Variants in CCDC85A observed in about 807,000 individuals in gnomAD.
CCDC85A encodes coiled-coil domain-containing protein 85A.
Under a neutral mutation model 50.2 loss-of-function variants are expected in CCDC85A, and 38 were observed. The observed-to-expected ratio is 0.76, with a 90% CI of 0.58 to 0.99. The LOEUF is 0.99. Among genes scored for constraint, CCDC85A ranks in the 50% least tolerant of loss-of-function variants. The pLI is 0.00. For missense variants in CCDC85A, 820 were observed against 742.0 expected, an observed-to-expected ratio of 1.11 and a Z score of -1.22; for synonymous variants, 366 against 301.4, an observed-to-expected ratio of 1.21 and a Z score of -2.22.
In CCDC85A at chr2:56,205,232, T is replaced by A. The variant is rs17047581; in HGVS notation, c.1240+11792T>A. On this transcript the variant is annotated intron_variant, in intron 2 of 5. Coordinates refer to ENST00000407595, the MANE Select transcript of CCDC85A (RefSeq NM_001080433.2). ...AACTAAAGTTTGGAAGAGAGTAATC[T>A]AATGATGAAACAGTGGCACCAGGCT... Among the ~76,000 whole-genome samples, 1,144 of 152,294 alleles carry A rather than the reference T, an allele frequency of 7.5e-3. 10 individuals carry two copies. Among genetic ancestry groups the A allele is most frequent in the African/African-American group, 0.026 (1,084 of 41,568 alleles).
At chr2:56,213,689 G>T (rs1004540050) in intron 2 of CCDC85A, among the ~76,000 whole-genome samples, 3 of 151,812 alleles carry the variant, frequency 2.0e-5, no homozygotes, top group Non-Finnish European at 4.4e-5. Context: ...GGAACCCCTC[G>T]AACAGAGACT....
chr2:56,330,070 A>G (rs530617763), intron 2 of CCDC85A, among the ~76,000 whole-genome samples: 13 of 147,480 alleles, frequency 8.8e-5, no homozygotes, highest in Non-Finnish European at 1.2e-4. Context: ...TGTTACATTT[A>G]TTAAAATGGC....
intron 2 of CCDC85A, among the ~76,000 whole-genome samples, chr2:56,262,075 A>G (rs1361237449): frequency 6.6e-6 from 1 of 152,090 alleles, no homozygotes; most frequent in African/African-American, 2.4e-5. Flanking sequence ...TTCAGTTAAG[A>G]AAATACTCTA....
At chr2:56,370,863 G>A (rs1294735931) in intron 3 of CCDC85A, among the ~76,000 whole-genome samples, 1 of 152,074 alleles carries the variant, frequency 6.6e-6, no homozygotes, top group Admixed American at 6.6e-5. Context: ...AAAAGGATAA[G>A]ATCTGAGAGG....
intron 3 of CCDC85A, among the ~76,000 whole-genome samples, chr2:56,356,136 C>T (rs540016850): frequency 6.6e-6 from 1 of 152,290 alleles, no homozygotes; most frequent in Non-Finnish European, 1.5e-5. Flanking sequence ...AGAAATAAAT[C>T]TAACCAGTAA....
intron 2 of CCDC85A, among the ~76,000 whole-genome samples, chr2:56,259,230 C>T (rs889727740): frequency 2.6e-5 from 4 of 152,070 alleles, no homozygotes; most frequent in African/African-American, 9.7e-5. Context: ...TTGGGTAAGG[C>T]TTGTTTTTTT....
At chr2:56,196,955 A>G (rs1385601871) in intron 2 of CCDC85A, among the ~76,000 whole-genome samples, 1 of 152,152 alleles carries the variant, frequency 6.6e-6, no homozygotes, top group Non-Finnish European at 1.5e-5. Context: ...TGTTAGAGCA[A>G]GTTTCAGTGA....
chr2:56,311,202 C>A (rs896464514), intron 2 of CCDC85A, among the ~76,000 whole-genome samples: 1 of 152,124 alleles, frequency 6.6e-6, no homozygotes, highest in African/African-American at 2.4e-5. Context: ...AATACACACA[C>A]TTTCATGTCT....
intron 2 of CCDC85A, among the ~76,000 whole-genome samples, chr2:56,301,254 G>A (rs1672188893): frequency 6.6e-6 from 1 of 152,168 alleles, no homozygotes; most frequent in Non-Finnish European, 1.5e-5. Context: ...GTTTGTCTGT[G>A]TGTAAATGTG....
chr2:56,207,305 C>G (rs575492677), intron 2 of CCDC85A, among the ~76,000 whole-genome samples: 1 of 152,254 alleles, frequency 6.6e-6, no homozygotes, highest in African/African-American at 2.4e-5. Flanking sequence ...AGTAGGCAGG[C>G]TCTGCCACCC....
At chr2:56,240,630 A>G (rs1558601043) in intron 2 of CCDC85A, among the ~76,000 whole-genome samples, 1 of 151,902 alleles carries the variant, frequency 6.6e-6, no homozygotes, top group East Asian at 1.9e-4. Flanking sequence ...ATACAAATGG[A>G]CTCGTGCAAT....
chr2:56,234,476 T>C (rs1486651192), intron 2 of CCDC85A, among the ~76,000 whole-genome samples: 2 of 152,212 alleles, frequency 1.3e-5, no homozygotes, highest in African/African-American at 2.4e-5. Flanking sequence ...CACTTCAAAA[T>C]GTCTTGGCTG....
chr2:56,184,802 G>C lies in CCDC85A; in HGVS notation c.178G>C (p.Glu60Gln). The C allele has an allele frequency of 1.3e-6, 2 of 1,546,244 alleles. No individual in the cohort carries two copies. The highest frequency in any genetic ancestry group is 1.7e-6 in the Non-Finnish European group (2 of 1,146,050). ...EELIRSLRRA[E>Q]AEKVSAMLDH... The stretch of plus-strand genomic sequence containing the variant: ...GCTGATCCGCAGCCTGCGGCGCGCC[G>C]AGGCGGAGAAGGTGAGCGCGATGCT... The change falls in exon 1 of 6, where the codon GAG becomes CAG. Residue 60 changes from glutamate to glutamine, a missense_variant. Glu to Gln is a conservative substitution (Grantham distance 29). Transcript: ENST00000407595.
rs1424207739 is a variant in CCDC85A, at chr2:56,193,143, G to C, written c.943G>C (p.Glu315Gln). The C allele has an allele frequency of 6.2e-7, 1 of 1,612,426 alleles. No individual in the cohort carries two copies. Among genetic ancestry groups the C allele is most frequent in the East Asian group, 2.2e-5 (1 of 44,784 alleles). Reference protein sequence around the residue: ...LPKHVLSGSPEHFQKHRSGSS... With the variant: ...LPKHVLSGSPQHFQKHRSGSS... ...CAAGCACGTGCTGAGTGGGAGCCCGGAACACTTCCAGAAGCACCGGTCAGG... is the reference window on the plus strand; with the variant it reads ...CAAGCACGTGCTGAGTGGGAGCCCGCAACACTTCCAGAAGCACCGGTCAGG... Residue 315 changes from glutamate to glutamine, a missense_variant, in exon 2 of 6, where the codon GAA (glutamate) becomes CAA (glutamine). Physicochemically the swap from Glu to Gln is conservative, Grantham distance 29 (BLOSUM62 2). Transcript: ENST00000407595.
chr2:56,384,294 C>T lies in CCDC85A; in HGVS notation c.1601C>T (p.Ala534Val). The change falls in exon 6 of 6, where the codon GCA becomes GTA. Residue 534 changes from alanine to valine, a missense_variant. Transcript: ENST00000407595. ...KVVWRKLGDA[A>V]GSCPGIRQHL... ...GTGTGGAGGAAACTTGGAGATGCTGCAGGTTCGTGTCCTGGAATTAGGCAA... is the reference window on the plus strand; with the variant it reads ...GTGTGGAGGAAACTTGGAGATGCTGTAGGTTCGTGTCCTGGAATTAGGCAA... The T allele has an allele frequency of 6.2e-7, 1 of 1,610,950 alleles. No homozygotes were observed. The highest frequency in any genetic ancestry group is 8.5e-7 in the Non-Finnish European group (1 of 1,178,080).
rs1276707779 is a variant in CCDC85A at position 56,269,826 on chromosome 2, CTTGCG to C, written c.1241-73050_1241-73046del. Among the ~76,000 whole-genome samples the C allele has an allele frequency of 5.9e-5, 9 of 152,288 alleles. No individual in the cohort carries two copies. In the East Asian group the frequency reaches 1.4e-3, roughly 23 times the overall value. ...AGTAGAGTTAACATCCATTTCCTCT[CTTGCG>C]TTATTTCAGATGATCCATTTCGAAA... On this transcript the variant is annotated intron_variant, in intron 2 of 5. Coordinates refer to ENST00000407595, the MANE Select transcript of CCDC85A (RefSeq NM_001080433.2).
intron 2 of CCDC85A, among the ~76,000 whole-genome samples, chr2:56,252,134 C>T (rs1669788721): frequency 6.6e-6 from 1 of 151,532 alleles, no homozygotes; most frequent in Non-Finnish European, 1.5e-5. Flanking sequence ...GCATCCTCTG[C>T]CTCCCAGGTT....
intron 2 of CCDC85A, among the ~76,000 whole-genome samples, chr2:56,222,910 A>G (rs79652128): frequency 1.2e-4 from 18 of 152,154 alleles, no homozygotes; most frequent in Non-Finnish European, 2.5e-4. Context: ...TGCATGCTTC[A>G]TGGGAAAGCC....
intron 2 of CCDC85A, among the ~76,000 whole-genome samples, chr2:56,203,319 G>T (rs185283369): frequency 1.1e-3 from 170 of 151,954 alleles, no homozygotes; most frequent in Admixed American, 1.7e-3. Flanking sequence ...AAACAGTTTG[G>T]AATCAAGCTT....
Sources: allele counts gnomAD v4.1 joint callset (sites outside exome capture counted in the v4.1 genomes callset), GRCh38; gene constraint gnomAD v4.1.1; transcripts MANE v1.5; gene names NCBI Gene and HGNC (gene_info 2026-07-23, HGNC 2026-07-21).